PKIB: variants seen among roughly 807,000 people sequenced by gnomAD.
PKIB encodes cAMP-dependent protein kinase inhibitor beta, also known as PKI-beta.
PKIB carries 2 observed loss-of-function variants against 4.5 expected under a neutral mutation model. That is an observed-to-expected ratio of 0.44 (90% confidence interval 0.18 to 1.39). The LOEUF (loss-of-function observed/expected upper bound fraction) is 1.39. Among genes scored for constraint, PKIB ranks in the 40% most tolerant of loss-of-function variants. The pLI, the probability that PKIB is intolerant of heterozygous loss-of-function variation, is 0.27. For synonymous variants in PKIB, 38 were observed against 36.0 expected, an observed-to-expected ratio of 1.06 and a Z score of -0.20; for missense variants, 94 against 92.6, an observed-to-expected ratio of 1.02 and a Z score of -0.06.
At chr6:122,685,681 A>G (rs961163992) in intron 3 of PKIB, among the ~76,000 whole-genome samples, 31 of 152,136 alleles carry the variant, frequency 2.0e-4, no homozygotes, top group Admixed American at 2.0e-3. Flanking sequence ...CTTTTAGTTT[A>G]GAATATAAAA....
At chr6:122,603,419 T>C (rs1357102118) in intron 3 of PKIB, among the ~76,000 whole-genome samples, 2 of 152,234 alleles carry the variant, frequency 1.3e-5, no homozygotes, top group Non-Finnish European at 2.9e-5. Flanking sequence ...TTAGATTTTA[T>C]GTATCCGTGC....
intron 3 of PKIB, among the ~76,000 whole-genome samples, chr6:122,712,949 C>A (rs1004851190): frequency 2.0e-5 from 3 of 152,100 alleles, no homozygotes; most frequent in African/African-American, 7.2e-5. Flanking sequence ...CTCTTCGGGG[C>A]CCACTGGGTT....
chr6:122,701,292 A>C (rs1247437009), intron 3 of PKIB: 1 of 635,110 alleles, frequency 1.6e-6, no homozygotes, highest in Non-Finnish European at 2.7e-6. Context: ...TAGGTGTACC[A>C]TTACAAGCAA....
intron 2 of PKIB, among the ~76,000 whole-genome samples, chr6:122,553,045 TATA>T (rs1290299644): frequency 9.9e-5 from 15 of 152,164 alleles, no homozygotes; most frequent in Non-Finnish European, 2.1e-4. Flanking sequence ...AATTCTTTAT[TATA>T]AACTCTCCCT....
At chr6:122,562,429 T>A (rs1280835705) in intron 2 of PKIB, among the ~76,000 whole-genome samples, 1 of 152,200 alleles carries the variant, frequency 6.6e-6, no homozygotes, top group Non-Finnish European at 1.5e-5. Flanking sequence ...GATGACAAAG[T>A]GCCTATGCAA....
chr6:122,474,462 T>C (rs1234135851), intron 1 of PKIB, among the ~76,000 whole-genome samples: 1 of 152,208 alleles, frequency 6.6e-6, no homozygotes, highest in African/African-American at 2.4e-5. Flanking sequence ...GAAATACTGA[T>C]GGAGGGAAGG....
chr6:122,602,691 G>C (rs1323505730), intron 3 of PKIB, among the ~76,000 whole-genome samples: 5 of 152,118 alleles, frequency 3.3e-5, no homozygotes, highest in Non-Finnish European at 7.4e-5. Context: ...GAGGCAGGCG[G>C]ATTGTTTGAG....
At position 122,578,634 on chromosome 6, in the gene PKIB, C is replaced by T. The variant is rs181449435; in HGVS notation, c.-247-7287C>T. On this transcript the variant is annotated intron_variant, in intron 2 of 6. Transcript: ENST00000392491. Reference sequence around the variant, plus strand: ...ACTACCCTGATCTTGGTCTCTGTTGCTCCTTGCCTGGGCCCACAGAGCCTG... The same window carrying T: ...ACTACCCTGATCTTGGTCTCTGTTGTTCCTTGCCTGGGCCCACAGAGCCTG... Among the ~76,000 whole-genome samples, 158 of 152,232 alleles carry T rather than the reference C, an allele frequency of 1.0e-3. 2 individuals are homozygous for T. The highest frequency in any genetic ancestry group is 4.6e-4 in the Non-Finnish European group (31 of 68,014).
At chr6:122,618,578 A>G (rs1320720152) in intron 1 of PKIB, among the ~76,000 whole-genome samples, 4 of 152,128 alleles carry the variant, frequency 2.6e-5, no homozygotes, top group Admixed American at 6.6e-5. Context: ...AGTAATCACT[A>G]TAAAATTATT....
At chr6:122,578,688 A>G (rs1385010448) in intron 2 of PKIB, among the ~76,000 whole-genome samples, 28 of 151,964 alleles carry the variant, frequency 1.8e-4, no homozygotes, top group Admixed American at 1.8e-3. Context: ...TAATAATGTT[A>G]CTCTTGATAG....
intron 2 of PKIB, among the ~76,000 whole-genome samples, chr6:122,553,486 T>C (rs1277408480): frequency 2.0e-5 from 2 of 102,064 alleles, no homozygotes; most frequent in East Asian, 2.3e-4. Flanking sequence ...ATCTTCTTTT[T>C]TTTTTTTTTT....
chr6:122,597,593 G>A (rs1046357502), intron 3 of PKIB, among the ~76,000 whole-genome samples: 2 of 152,260 alleles, frequency 1.3e-5, no homozygotes, highest in African/African-American at 4.8e-5. Flanking sequence ...GGATGTGGTG[G>A]GAATCACCAC....
chr6:122,633,750 A>G (rs1213986932), intron 2 of PKIB, among the ~76,000 whole-genome samples: 2 of 152,196 alleles, frequency 1.3e-5, no homozygotes, highest in African/African-American at 4.8e-5. Context: ...ACTGCCTATC[A>G]GGTCTTATAA....
chr6:122,678,120 G>A (rs891432493), intron 3 of PKIB, among the ~76,000 whole-genome samples: 1 of 152,022 alleles, frequency 6.6e-6, no homozygotes, highest in Non-Finnish European at 1.5e-5. Context: ...GGGTGGTCTC[G>A]ATCTACTGAC....
intron 2 of PKIB, among the ~76,000 whole-genome samples, chr6:122,538,888 G>A (rs1266075141): frequency 1.3e-5 from 2 of 151,970 alleles, no homozygotes; most frequent in East Asian, 1.9e-4. Flanking sequence ...CCTTGAAGAG[G>A]TCCTTCACAT....
chr6:122,553,481 C>CTTTTTTTTTTTTTG (rs1772747205), intron 2 of PKIB, among the ~76,000 whole-genome samples: 1 of 65,838 alleles, frequency 1.5e-5, no homozygotes, highest in African/African-American at 5.9e-5. Context: ...CAAATATCTT[C>CTTTTTTTTTTTTTG]TTTTTTTTTT....
At chr6:122,536,996 A>G (rs1270206668) in intron 2 of PKIB, among the ~76,000 whole-genome samples, 1 of 151,208 alleles carries the variant, frequency 6.6e-6, no homozygotes, top group Non-Finnish European at 1.5e-5. Flanking sequence ...TTTCTTGCAT[A>G]GAGGGGGCCA....
At chr6:122,610,921 A>C (rs1774726986) in intron 1 of PKIB, among the ~76,000 whole-genome samples, 1 of 152,100 alleles carries the variant, frequency 6.6e-6, no homozygotes, top group African/African-American at 2.4e-5. Context: ...GGCGGTGCTT[A>C]CCAAGCCCCG....
At chr6:122,547,743 C>CAGCTTCACTCTCTCTCTT (rs1772546240) in intron 2 of PKIB, among the ~76,000 whole-genome samples, 1 of 109,972 alleles carries the variant, frequency 9.1e-6, no homozygotes, top group Non-Finnish European at 2.1e-5. Flanking sequence ...TACAGGGTCA[C>CAGCTTCACTCTCTCTCTT]TGGACACGAA....
Sources: gnomAD v4.1 joint callset for allele counts (sites outside exome capture counted in the v4.1 genomes callset) on GRCh38, gnomAD v4.1.1 for gene constraint, MANE v1.5 for transcripts, NCBI Gene and HGNC (gene_info 2026-07-23, HGNC 2026-07-21) for gene names.